The following SUMF1 variants were observed in gnomAD, a reference collection of about 807,000 sequenced individuals.
SUMF1 encodes sulfatase modifying factor 1.
A neutral mutation model predicts 47.6 loss-of-function variants in SUMF1; 48 were observed. The ratio of observed to expected loss-of-function variants is 1.01; its 90% CI spans 0.80 to 1.28. The LOEUF is 1.28. Ranked by LOEUF, SUMF1 falls within the 50% of genes most tolerant of loss-of-function variation. The pLI is 0.00. For missense variants in SUMF1, 571 were observed against 485.4 expected, an observed-to-expected ratio of 1.18 and a Z score of -1.66; for synonymous variants, 230 against 192.1, an observed-to-expected ratio of 1.20 and a Z score of -1.63.
intron 8 of SUMF1, among the ~76,000 whole-genome samples, chr3:4,148,022 T>C (rs928361154): frequency 1.3e-5 from 2 of 152,112 alleles, no homozygotes; most frequent in African/African-American, 4.8e-5. Flanking sequence ...ATAAGCTTCC[T>C]TTGGCACATT....
chr3:4,131,509 G>A (rs966454702), intron 8 of SUMF1, among the ~76,000 whole-genome samples: 1 of 152,188 alleles, frequency 6.6e-6, no homozygotes, highest in Non-Finnish European at 1.5e-5. Context: ...AGCAGTGAAG[G>A]GAAATCTTCC....
At chr3:4,289,927 C>T (rs922903703) in intron 8 of SUMF1, among the ~76,000 whole-genome samples, 2 of 152,184 alleles carry the variant, frequency 1.3e-5, no homozygotes, top group Non-Finnish European at 2.9e-5. Context: ...AACAACAAAA[C>T]ATTTCAAAAC....
intron 8 of SUMF1, among the ~76,000 whole-genome samples, chr3:4,362,645 G>C (rs1314866298): frequency 6.6e-6 from 1 of 152,152 alleles, no homozygotes; most frequent in Non-Finnish European, 1.5e-5. Context: ...AATGAGGCCA[G>C]GCGCACTGGC....
chr3:4,246,668 G>A (rs1272370424), intron 8 of SUMF1, among the ~76,000 whole-genome samples: 1 of 152,102 alleles, frequency 6.6e-6, no homozygotes, highest in African/African-American at 2.4e-5. Context: ...CCAAAGTGCT[G>A]GGATTACAGG....
At chr3:4,459,686 A>G (rs986321972) in intron 1 of SUMF1, among the ~76,000 whole-genome samples, 1 of 152,178 alleles carries the variant, frequency 6.6e-6, no homozygotes, top group African/African-American at 2.4e-5. Context: ...CCAATATTAC[A>G]CAGGCCACCT....
intron 8 of SUMF1, among the ~76,000 whole-genome samples, chr3:4,338,746 TGTATACCTAGTACAGAGTCTCTCACAG>T (rs1427101853): frequency 6.6e-6 from 1 of 152,110 alleles, no homozygotes; most frequent in African/African-American, 2.4e-5. Context: ...GAGTCTCATA[TGTATACCTAGTACAGAGTCTCTCACAG>T]GTATACCTAG....
At chr3:4,205,965 T>C (rs925699999) in intron 8 of SUMF1, among the ~76,000 whole-genome samples, 1 of 152,076 alleles carries the variant, frequency 6.6e-6, no homozygotes. Context: ...AAAGACTCTT[T>C]AGTCAGCAGA....
chr3:4,279,684 A>G (rs909434257), intron 8 of SUMF1, among the ~76,000 whole-genome samples: 3 of 152,160 alleles, frequency 2.0e-5, no homozygotes, highest in Admixed American at 6.6e-5. Flanking sequence ...TGTTGTGTTT[A>G]TACTCTGACA....
chr3:4,427,749 A>T (rs1702112112), intron 3 of SUMF1, among the ~76,000 whole-genome samples: 1 of 152,198 alleles, frequency 6.6e-6, no homozygotes, highest in Non-Finnish European at 1.5e-5. Context: ...GCACACAATC[A>T]GTAATCAGTA....
intron 8 of SUMF1, among the ~76,000 whole-genome samples, chr3:4,099,645 C>T (rs1692986296): frequency 6.6e-6 from 1 of 151,874 alleles, no homozygotes; most frequent in South Asian, 2.1e-4. Context: ...ACAATGTATC[C>T]AAATAGGAAA....
At chr3:4,324,831 C>A (rs1045927925) in intron 8 of SUMF1, among the ~76,000 whole-genome samples, 3 of 152,090 alleles carry the variant, frequency 2.0e-5, no homozygotes, top group African/African-American at 7.2e-5. Flanking sequence ...CCCTGCAATT[C>A]TATTTTTCTT....
At chr3:4,199,648 T>C (rs2125150936) in intron 8 of SUMF1, among the ~76,000 whole-genome samples, 1 of 152,306 alleles carries the variant, frequency 6.6e-6, no homozygotes, top group Non-Finnish European at 1.5e-5. Context: ...CATTCTGTCT[T>C]TCTTATTATG....
At position 4,082,152 on chromosome 3, in the gene SUMF1, T is replaced by G. The variant is rs377177245; in HGVS notation, c.1015-13407A>C. Among the ~76,000 whole-genome samples the G allele has an allele frequency of 9.2e-5, 14 of 152,218 alleles. 3 individuals are homozygous for G. The highest frequency in any genetic ancestry group is 6.5e-5 in the Admixed American group (1 of 15,292). ...AATTCTTTGAACTACTTTTAAAACT[T>G]TTTATGTCTGAAATCATTATTTTAA... On this transcript the variant is annotated intron_variant and NMD_transcript_variant, in intron 8 of 12. Coordinates refer to the SUMF1 transcript ENST00000448413.
At chr3:4,353,442 CG>C (rs1397929863) in intron 8 of SUMF1, among the ~76,000 whole-genome samples, 7 of 152,010 alleles carry the variant, frequency 4.6e-5, no homozygotes, top group African/African-American at 7.2e-5. Flanking sequence ...TTAGTAGAGA[CG>C]GGGTTTCACC....
intron 8 of SUMF1, among the ~76,000 whole-genome samples, chr3:4,239,521 A>G (rs1696489625): frequency 6.6e-6 from 1 of 152,038 alleles, no homozygotes; most frequent in South Asian, 2.1e-4. Context: ...TAGATATTCT[A>G]TTCTCCTTGT....
At chr3:4,368,845 T>C (rs1053570709) in intron 8 of SUMF1, among the ~76,000 whole-genome samples, 4 of 152,172 alleles carry the variant, frequency 2.6e-5, no homozygotes, top group African/African-American at 7.2e-5. Flanking sequence ...CCTAGGATTG[T>C]TCTCCGATCC....
chr3:4,367,246 C>G (rs1385621939), intron 8 of SUMF1, among the ~76,000 whole-genome samples: 1 of 151,956 alleles, frequency 6.6e-6, no homozygotes, highest in African/African-American at 2.4e-5. Context: ...CTGCTCTCTT[C>G]AAAGCTGTCA....
intron 8 of SUMF1, among the ~76,000 whole-genome samples, chr3:4,170,911 G>A (rs1299262149): frequency 6.6e-6 from 1 of 152,132 alleles, no homozygotes; most frequent in Non-Finnish European, 1.5e-5. Context: ...AGTCACTGTT[G>A]CATGAACTAC....
At chr3:4,088,816 C>T (rs1324964277) in intron 8 of SUMF1, among the ~76,000 whole-genome samples, 2 of 152,058 alleles carry the variant, frequency 1.3e-5, no homozygotes, top group Non-Finnish European at 2.9e-5. Flanking sequence ...CCCCACCTGA[C>T]TCAATATGTG....
Sources: allele counts gnomAD v4.1 joint callset (sites outside exome capture counted in the v4.1 genomes callset), GRCh38; gene constraint gnomAD v4.1.1; transcripts MANE v1.5; gene names NCBI Gene and HGNC (gene_info 2026-07-23, HGNC 2026-07-21).